Variants in NBEA observed in about 807,000 individuals in gnomAD.
The protein encoded by NBEA is neurobeachin.
Under a neutral mutation model 343.4 loss-of-function variants are expected in NBEA, and 44 were observed. The observed-to-expected ratio is 0.13, with a 90% CI of 0.10 to 0.16. The LOEUF (loss-of-function observed/expected upper bound fraction) is 0.16, where lower values mean the gene tolerates loss of function less well. NBEA is among the 10% of genes least tolerant of loss of function. NBEA has a pLI of 1.00. For synonymous variants in NBEA, 1,175 were observed against 1,238.7 expected (o/e 0.95, Z 1.08); for missense variants, 2,555 against 3,631.3 (o/e 0.70, Z 7.62).
chr13:35,057,381 GT>G (rs1465396805), intron 7 of NBEA, among the ~76,000 whole-genome samples: 1 of 152,082 alleles, frequency 6.6e-6, no homozygotes, highest in Non-Finnish European at 1.5e-5. Context: ...CCTGTTTCTG[GT>G]TTTGTGTAAG....
At chr13:35,579,121 T>C (rs1195322031) in intron 45 of NBEA, among the ~76,000 whole-genome samples, 1 of 152,174 alleles carries the variant, frequency 6.6e-6, no homozygotes, top group Non-Finnish European at 1.5e-5. Flanking sequence ...ATGAACATCA[T>C]TACCATTTTC....
At chr13:35,343,468 C>A (rs757660601) in intron 36 of NBEA, among the ~76,000 whole-genome samples, 1 of 152,070 alleles carries the variant, frequency 6.6e-6, no homozygotes, top group Non-Finnish European at 1.5e-5. Context: ...AAACATGTAA[C>A]CTGTGTAAAA....
intron 10 of NBEA, among the ~76,000 whole-genome samples, chr13:35,077,374 T>G (rs1350291593): frequency 2.0e-5 from 3 of 152,056 alleles, no homozygotes; most frequent in Non-Finnish European, 4.4e-5. Flanking sequence ...TCTACCCAAT[T>G]TCTATTGCTT....
At chr13:35,622,968 A>G (rs1226950404) in intron 48 of NBEA, among the ~76,000 whole-genome samples, 3 of 152,174 alleles carry the variant, frequency 2.0e-5, no homozygotes, top group Non-Finnish European at 2.9e-5. Flanking sequence ...AGAAATTAGA[A>G]TGAGGGAAAT....
chr13:34,986,455 C>T (rs2060550097), intron 1 of NBEA, among the ~76,000 whole-genome samples: 1 of 150,652 alleles, frequency 6.6e-6, no homozygotes, highest in Non-Finnish European at 1.5e-5. Flanking sequence ...TTACTTCCAA[C>T]CATGTGGTCA....
chr13:35,198,628 G>A (rs2072796496), intron 31 of NBEA, among the ~76,000 whole-genome samples: 2 of 152,058 alleles, frequency 1.3e-5, no homozygotes, highest in African/African-American at 4.8e-5. Flanking sequence ...ATTCTAAATT[G>A]CATAAGTACA....
At chr13:34,962,359 G>A (rs922666078) in intron 1 of NBEA, among the ~76,000 whole-genome samples, 2 of 152,054 alleles carry the variant, frequency 1.3e-5, no homozygotes, top group Admixed American at 6.6e-5. Flanking sequence ...CTGGTTATAT[G>A]TCAGTAAACC....
intron 53 of NBEA, among the ~76,000 whole-genome samples, chr13:35,653,226 T>A (rs1417508396): frequency 6.6e-6 from 1 of 152,136 alleles, no homozygotes; most frequent in Non-Finnish European, 1.5e-5. Context: ...TTGTTCTATC[T>A]GTATCACTGG....
In NBEA at chr13:35,591,906, G is replaced by A. The variant is rs181485306; in HGVS notation, c.7177-1422G>A. Among the ~76,000 whole-genome samples, 207 of 152,148 alleles carry A rather than the reference G, an allele frequency of 1.4e-3. 2 individuals are homozygous for A. The highest frequency in any genetic ancestry group is 4.6e-3 in the African/African-American group (191 of 41,518). ...GGTTTCTTAGCATTATTGAACCTGG[G>A]AATGACATGTCATTCATCCTAGACT... On this transcript the variant is annotated intron_variant, in intron 46 of 58. Coordinates refer to ENST00000379939, the MANE Select transcript of NBEA (RefSeq NM_001385012.1).
intron 34 of NBEA, among the ~76,000 whole-genome samples, chr13:35,277,431 G>A (rs866764783): frequency 2.0e-5 from 3 of 151,898 alleles, no homozygotes; most frequent in Non-Finnish European, 4.4e-5. Flanking sequence ...AGACCAGCCT[G>A]ACCAACATGG....
rs78591118 is a variant in NBEA at position 35,544,686 on chromosome 13, T to A, written c.6586-5791T>A. 2.4e-3 allele frequency among the ~76,000 whole-genome samples: 368 copies of A among 152,324 alleles called. 2 individuals carry two copies. The highest frequency in any genetic ancestry group is 8.6e-3 in the African/African-American group (358 of 41,562). ...AAATTCATAAGTGAATGGGGCAGAC[T>A]TCAGGGTATGAGCCTGACATGAACT... On this transcript the variant is annotated intron_variant, in intron 41 of 58. Transcript: ENST00000379939.
chr13:35,366,451 G>A (rs2041119080), intron 38 of NBEA, among the ~76,000 whole-genome samples: 1 of 150,928 alleles, frequency 6.6e-6, no homozygotes, highest in African/African-American at 2.4e-5. Flanking sequence ...TGCATATTAT[G>A]ACTGGATTTT....
In NBEA at chr13:34,942,608, C is replaced by T. The variant is rs964223247; in HGVS notation, c.-213C>T. 1.0e-5 allele frequency: 3 copies of T among 296,190 alleles called. No individual in the cohort carries two copies. Among genetic ancestry groups the T allele is most frequent in the Non-Finnish European group, 1.9e-5 (3 of 162,010 alleles). 18.3% of individuals were successfully genotyped at this position (296,190 alleles called of 1,614,324 possible). ...CAGCGGTTAGCGGTACCGCCACCGC[C>T]GAGAATAAGCCTGCGGATCCCCCGC... On this transcript the variant is annotated 5_prime_UTR_variant, in exon 1 of 59. Coordinates refer to ENST00000379939, the MANE Select transcript of NBEA (RefSeq NM_001385012.1).
At chr13:35,264,172 A>C (rs1593993572) in intron 34 of NBEA, among the ~76,000 whole-genome samples, 1 of 151,914 alleles carries the variant, frequency 6.6e-6, no homozygotes, top group East Asian at 1.9e-4. Context: ...AATGAAAAAA[A>C]AAATCTAGAT....
intron 17 of NBEA, among the ~76,000 whole-genome samples, chr13:35,125,838 A>G (rs1042964272): frequency 1.3e-5 from 2 of 151,596 alleles, no homozygotes; most frequent in Non-Finnish European, 2.9e-5. Flanking sequence ...ACATACATAC[A>G]TACATACATA....
chr13:35,204,758 A>G (rs554168210), intron 31 of NBEA, among the ~76,000 whole-genome samples: 5 of 152,286 alleles, frequency 3.3e-5, no homozygotes, highest in African/African-American at 9.6e-5. Context: ...GTGGCTATGT[A>G]TGTTTTTGAA....
chr13:35,622,936 T>G (rs2083059814), intron 48 of NBEA, among the ~76,000 whole-genome samples: 1 of 152,116 alleles, frequency 6.6e-6, no homozygotes, highest in African/African-American at 2.4e-5. Context: ...TTCTGTACCA[T>G]CCAATACTCA....
intron 2 of NBEA, among the ~76,000 whole-genome samples, chr13:35,041,533 A>T (rs1257533278): frequency 6.6e-6 from 1 of 152,070 alleles, no homozygotes; most frequent in African/African-American, 2.4e-5. Flanking sequence ...GCATTTTACC[A>T]AATTCTTCTA....
At chr13:35,615,129 C>T (rs374108675) in intron 48 of NBEA, among the ~76,000 whole-genome samples, 1 of 110,980 alleles carries the variant, frequency 9.0e-6, no homozygotes, top group Admixed American at 9.6e-5. Flanking sequence ...ACTAAAAATA[C>T]AAAAAAAAAA....
Sources: gnomAD v4.1 joint callset for allele counts (sites outside exome capture counted in the v4.1 genomes callset) on GRCh38, gnomAD v4.1.1 for gene constraint, MANE v1.5 for transcripts, NCBI Gene and HGNC (gene_info 2026-07-23, HGNC 2026-07-21) for gene names.